SLC35F1: variants seen among roughly 807,000 people sequenced by gnomAD.
SLC35F1 encodes the protein solute carrier family 35 member F1.
Under a neutral mutation model 48.7 loss-of-function variants are expected in SLC35F1, and 14 were observed. The observed-to-expected ratio is 0.29, with a 90% CI of 0.19 to 0.45. The LOEUF (loss-of-function observed/expected upper bound fraction) is 0.45, where lower values mean the gene tolerates loss of function less well. Among genes scored for constraint, SLC35F1 ranks in the 20% least tolerant of loss-of-function variants. The pLI is 1.00. For missense variants in SLC35F1, 404 were observed against 500.0 expected, an observed-to-expected ratio of 0.81 and a Z score of 1.83; for synonymous variants, 190 against 202.2, an observed-to-expected ratio of 0.94 and a Z score of 0.51.
chr6:118,030,913 T>C (rs1449452720), intron 1 of SLC35F1, among the ~76,000 whole-genome samples: 1 of 152,188 alleles, frequency 6.6e-6, no homozygotes, highest in East Asian at 1.9e-4. Flanking sequence ...ATTTTTTTCA[T>C]AATAATATGT....
At chr6:118,130,383 A>AG (rs1486284154) in intron 1 of SLC35F1, among the ~76,000 whole-genome samples, 10 of 152,182 alleles carry the variant, frequency 6.6e-5, no homozygotes, top group Admixed American at 6.5e-4. Context: ...AGTAAAAAAA[A>AG]CTGGTTTACT....
At chr6:118,224,031 G>T (rs1333183949) in intron 2 of SLC35F1, among the ~76,000 whole-genome samples, 1 of 152,118 alleles carries the variant, frequency 6.6e-6, no homozygotes, top group Non-Finnish European at 1.5e-5. Context: ...ACTTCCAAAA[G>T]GCAAATAGGG....
chr6:118,006,109 G>T (rs1777171245), intron 1 of SLC35F1, among the ~76,000 whole-genome samples: 1 of 152,114 alleles, frequency 6.6e-6, no homozygotes, highest in Non-Finnish European at 1.5e-5. Flanking sequence ...AATCCATGAT[G>T]CATAGTAGAT....
chr6:118,281,122 C>T (rs532968938), intron 6 of SLC35F1, among the ~76,000 whole-genome samples: 12 of 149,376 alleles, frequency 8.0e-5, no homozygotes, highest in Middle Eastern at 3.5e-3. Flanking sequence ...AAGAAAAAGA[C>T]GAAATCAAAT....
chr6:118,248,555 G>T (rs1216423202), intron 3 of SLC35F1, among the ~76,000 whole-genome samples: 1 of 152,202 alleles, frequency 6.6e-6, no homozygotes, highest in South Asian at 2.1e-4. Context: ...CACATTGCTG[G>T]CTTTGAAGAT....
chr6:117,931,263 T>G (rs1776098380), intron 1 of SLC35F1, among the ~76,000 whole-genome samples: 1 of 152,216 alleles, frequency 6.6e-6, no homozygotes, highest in South Asian at 2.1e-4. Context: ...AAAAAACTAC[T>G]TGCTCCTTTT....
intron 1 of SLC35F1, among the ~76,000 whole-genome samples, chr6:118,121,955 A>T (rs1349096639): frequency 2.0e-5 from 3 of 152,186 alleles, no homozygotes; most frequent in East Asian, 1.9e-4. Flanking sequence ...TTCAGAAGTC[A>T]GTGTTGCCAT....
intron 1 of SLC35F1, among the ~76,000 whole-genome samples, chr6:118,087,768 C>T (rs896884957): frequency 6.6e-6 from 1 of 152,130 alleles, no homozygotes; most frequent in African/African-American, 2.4e-5. Flanking sequence ...TGCCATAGTA[C>T]TCTGTCTATA....
chr6:117,951,862 C>T (rs1259620274), intron 1 of SLC35F1, among the ~76,000 whole-genome samples: 1 of 152,192 alleles, frequency 6.6e-6, no homozygotes, highest in Non-Finnish European at 1.5e-5. Flanking sequence ...ACAAGGGATT[C>T]AGTCCTGATT....
rs181683911 is a variant in SLC35F1, at chr6:118,154,911, A to G, written c.349+291A>G. Among the ~76,000 whole-genome samples the G allele has an allele frequency of 2.6e-5, 4 of 152,326 alleles. No individual in the cohort carries two copies. In the East Asian group the frequency reaches 7.7e-4, roughly 29 times the overall value. On this transcript the variant is annotated intron_variant, in intron 2 of 7. Coordinates refer to ENST00000360388, the MANE Select transcript of SLC35F1 (RefSeq NM_001029858.4). ...TACTTCTACCCTCTCAGTGGAATTA[A>G]ATGAGTTTTTCCCTGGAACTTGGAA...
chr6:118,024,729 A>T, intron 1 of SLC35F1, among the ~76,000 whole-genome samples: 1 of 152,214 alleles, frequency 6.6e-6, no homozygotes. Flanking sequence ...AAATGATAAC[A>T]TTTGAAAGCA....
At chr6:118,222,842 A>G (rs888634787) in intron 2 of SLC35F1, among the ~76,000 whole-genome samples, 2 of 152,210 alleles carry the variant, frequency 1.3e-5, no homozygotes, top group African/African-American at 4.8e-5. Context: ...ATACCACCCT[A>G]GTAGTCTTTG....
At chr6:118,166,176 GA>G (rs1304819343) in intron 2 of SLC35F1, among the ~76,000 whole-genome samples, 1 of 151,872 alleles carries the variant, frequency 6.6e-6, no homozygotes, top group Non-Finnish European at 1.5e-5. Flanking sequence ...AAAAAAAAAA[GA>G]GTTGCAAAAT....
intron 1 of SLC35F1, among the ~76,000 whole-genome samples, chr6:117,922,201 T>C (rs1775908528): frequency 6.6e-6 from 1 of 152,136 alleles, no homozygotes; most frequent in Non-Finnish European, 1.5e-5. Flanking sequence ...GGTGTGCTTA[T>C]GGTAGGCTGG....
intron 1 of SLC35F1, among the ~76,000 whole-genome samples, chr6:118,021,192 G>C (rs551869638): frequency 1.3e-5 from 2 of 152,220 alleles, no homozygotes; most frequent in African/African-American, 4.8e-5. Flanking sequence ...TAAAAGGGCA[G>C]ATCAGAGACA....
rs186417081 is a variant in SLC35F1, at chr6:118,200,375, A to G, written c.350-35134A>G. ...AGGGTGGGGTCAGTGGACAGAAAAT[A>G]CTAAGTGGAAACACCAGGAGTAAGG... On this transcript the variant is annotated intron_variant, in intron 2 of 7. Transcript: ENST00000360388. 9.2e-5 allele frequency among the ~76,000 whole-genome samples: 14 copies of G among 152,266 alleles called. No homozygotes were observed. In the East Asian group the frequency reaches 2.5e-3, roughly 27 times the overall value.
intron 1 of SLC35F1, among the ~76,000 whole-genome samples, chr6:118,052,556 A>G (rs1772405813): frequency 1.3e-5 from 2 of 152,242 alleles, no homozygotes; most frequent in South Asian, 4.1e-4. Flanking sequence ...TAATCGAATT[A>G]CTAGTTAGTA....
Position 118,221,743 on chromosome 6 carries a change from A to G in SLC35F1, c.350-13766A>G, listed in dbSNP as rs576511545. Among the ~76,000 whole-genome samples the G allele has an allele frequency of 1.0e-3, 158 of 152,320 alleles. 1 individual carries two copies. The highest frequency in any genetic ancestry group is 3.6e-3 in the African/African-American group (149 of 41,574). Reference sequence around the variant, plus strand: ...CTTCAACAAATTTCAACTCATGGCCAAGCTTATTTTATCCCTACCCTCACC... The same window carrying G: ...CTTCAACAAATTTCAACTCATGGCCGAGCTTATTTTATCCCTACCCTCACC... On this transcript the variant is annotated intron_variant, in intron 2 of 7. Transcript: ENST00000360388.
chr6:117,908,429 C>T (rs1775723063), intron 1 of SLC35F1, among the ~76,000 whole-genome samples: 2 of 152,236 alleles, frequency 1.3e-5, no homozygotes, highest in African/African-American at 2.4e-5. Flanking sequence ...ACCCACTTCT[C>T]CAGCCTGACG....
Sources: gnomAD v4.1 joint callset for allele counts (sites outside exome capture counted in the v4.1 genomes callset) on GRCh38, gnomAD v4.1.1 for gene constraint, MANE v1.5 for transcripts, NCBI Gene and HGNC (gene_info 2026-07-23, HGNC 2026-07-21) for gene names.